Variants in SETD1B observed in about 807,000 individuals in gnomAD.
The protein encoded by SETD1B is histone-lysine N-methyltransferase SETD1B.
SETD1B carries 7 observed loss-of-function variants against 148.0 expected under a neutral mutation model. That is an observed-to-expected ratio of 0.05 (90% CI 0.03 to 0.09). The LOEUF (loss-of-function observed/expected upper bound fraction) is 0.09, where lower values mean the gene tolerates loss of function less well. Ranked by LOEUF, SETD1B falls within the 10% of genes least tolerant of loss-of-function variation. The pLI, the probability that SETD1B is intolerant of heterozygous loss-of-function variation, is 1.00. For missense variants in SETD1B, 2,155 were observed against 2,729.9 expected, an observed-to-expected ratio of 0.79 and a Z score of 4.69; for synonymous variants, 1,361 against 1,186.5, an observed-to-expected ratio of 1.15 and a Z score of -3.02.
chr12:121,817,123 T>A lies in SETD1B; in HGVS notation c.2806T>A (p.Trp936Arg). 1 of 1,548,988 alleles carries A rather than the reference T, an allele frequency of 6.5e-7. No individual in the cohort carries two copies. The highest frequency in any genetic ancestry group is 8.7e-7 in the Non-Finnish European group (1 of 1,146,866). ...CATCGCCTCGTGCCTGCTGGAGTCA[T>A]GGGGCAAGGGCGAGGGCCTGGGCTA... ...DRIASCLLESWGKGEGLGYEG... is the reference protein window; with the variant it reads ...DRIASCLLESRGKGEGLGYEG... The change falls in exon 8 of 17, where the codon TGG (tryptophan) becomes AGG (arginine). Residue 936 changes from tryptophan (W) to arginine (R), a missense_variant. Coordinates refer to ENST00000604567, the MANE Select transcript of SETD1B (RefSeq NM_001353345.2). This position sits in a 1 kb window ranked among gnomAD's most constrained non-coding sequence, Gnocchi z 8.1.
At position 121,817,226 on chromosome 12, in the gene SETD1B, C is replaced by T; in HGVS notation, c.2909C>T (p.Pro970Leu). 2 of 1,550,972 alleles carry T rather than the reference C, an allele frequency of 1.3e-6. No homozygotes were observed. Among genetic ancestry groups the T allele is most frequent in the Non-Finnish European group, 1.7e-6 (2 of 1,146,948 alleles). Residue 970 changes from proline to leucine, a missense_variant, in exon 8 of 17, where the codon CCA becomes CTA. By Grantham distance (98) the Pro-to-Leu change is moderately conservative (BLOSUM62 -3). Coordinates refer to ENST00000604567, the MANE Select transcript of SETD1B (RefSeq NM_001353345.2). The surrounding 1 kb of genome is among the most constrained non-coding windows in gnomAD (Gnocchi z 8.1). The part of the protein sequence containing the change: ...PSFKVKRKEP[P>L]DTTSSGDQKR... The stretch of plus-strand genomic sequence containing the variant: ...TTCAAGGTCAAGAGGAAGGAGCCAC[C>T]AGACACCACCTCATCTGGCGACCAG...
At chr12:121,798,193 G>A in the SETD1B span, among the ~76,000 whole-genome samples, 2 of 152,240 alleles carry the variant, frequency 1.3e-5, no homozygotes, top group Admixed American at 1.3e-4. Context: ...GTGGCCTTGT[G>A]ACCTTGGGGA....
the SETD1B span, chr12:121,793,113 G>A: frequency 6.6e-7 from 1 of 1,524,718 alleles, no homozygotes; most frequent in South Asian, 1.2e-5. Flanking sequence ...CCTTCGGGCG[G>A]GCGGACCCTC....
In SETD1B at chr12:121,810,631, A is replaced by T; in HGVS notation, c.1686A>T (p.Ser562=). The change falls in exon 6 of 17, where the codon TCA becomes TCT. Residue 562 remains serine, a synonymous_variant. Coordinates refer to ENST00000604567, the MANE Select transcript of SETD1B (RefSeq NM_001353345.2). The surrounding 1 kb of genome is among the most constrained non-coding windows in gnomAD (Gnocchi z 7.6). Reference sequence around the variant, plus strand: ...TCCGGGGCCCCACGCCCCCCTCGTCACGCCCCTCCAGCACCGGCCTGGAGG... The same window carrying T: ...TCCGGGGCCCCACGCCCCCCTCGTCTCGCCCCTCCAGCACCGGCCTGGAGG... The part of the protein sequence containing the change: ...PGFRGPTPPS[S]RPSSTGLEDI... 1 of 1,548,084 alleles carries T rather than the reference A, an allele frequency of 6.5e-7. No homozygotes were observed. Among genetic ancestry groups the T allele is most frequent in the Non-Finnish European group, 8.7e-7 (1 of 1,146,274 alleles).
chr12:121,802,808 T>C (rs1227657984), upstream of SETD1B: 1 of 152,258 alleles, frequency 6.6e-6, no homozygotes, highest in Non-Finnish European at 1.5e-5. Flanking sequence ...TTAAACACAC[T>C]GAGACGTCCT....
In SETD1B at chr12:121,810,851, T is replaced by TC. The variant is rs1168070286; in HGVS notation, c.1890+18dup. ...GATGGATGAGGTACCACCGTGTCTG[T>TC]CCATCTGTCTGGGACTGGTTTTGTC... On this transcript the variant is annotated intron_variant, in intron 6 of 16. Transcript: ENST00000604567. The surrounding 1 kb of genome is among the most constrained non-coding windows in gnomAD (Gnocchi z 7.6). 3 of 1,478,102 alleles carry TC rather than the reference T, an allele frequency of 2.0e-6. No homozygotes were observed. The highest frequency in any genetic ancestry group is 2.7e-6 in the Non-Finnish European group (3 of 1,108,234). 91.6% of individuals were successfully genotyped at this position (1,478,102 alleles called of 1,614,324 possible). A position where few individuals can be genotyped will look rare whatever the true frequency, so the allele number is the denominator to read the frequency against.
At chr12:121,793,576 G>C in the SETD1B span, 18 of 1,553,010 alleles carry the variant, frequency 1.2e-5, no homozygotes, top group Non-Finnish European at 1.6e-5. Flanking sequence ...ACGATCTTCA[G>C]CTCCTTCCTG....
chr12:121,823,805 C>T lies in SETD1B; in HGVS notation c.5170+56C>T, dbSNP rs1876705319. 4.0e-6 allele frequency: 6 copies of T among 1,490,540 alleles called. No individual in the cohort carries two copies. The African/African-American group carries it at 5.5e-5, about 14-fold the overall frequency. 92.3% of individuals were successfully genotyped at this position (1,490,540 alleles called of 1,614,324 possible). A position where few individuals can be genotyped will look rare whatever the true frequency, so the allele number is the denominator to read the frequency against. ...TTCTGGGATGCAGGAAGTCCCTGCT[C>T]ACCTCTCTGGGCCCCACCACCCAGT... On this transcript the variant is annotated intron_variant, in intron 12 of 16. Coordinates refer to ENST00000604567, the MANE Select transcript of SETD1B (RefSeq NM_001353345.2).
the SETD1B span, among the ~76,000 whole-genome samples, chr12:121,798,700 G>A: frequency 6.6e-6 from 1 of 152,206 alleles, no homozygotes; most frequent in Non-Finnish European, 1.5e-5. Flanking sequence ...AGCCCTCACA[G>A]CGGGAGTGGG....
At chr12:121,813,787 G>A (rs1876151458) in intron 6 of SETD1B, among the ~76,000 whole-genome samples, 1 of 152,034 alleles carries the variant, frequency 6.6e-6, no homozygotes, top group African/African-American at 2.4e-5. Flanking sequence ...TTTCCTGCTG[G>A]CTCCGCTCCA....
intron 13 of SETD1B, among the ~76,000 whole-genome samples, chr12:121,826,622 C>T (rs968479398): frequency 6.6e-6 from 1 of 151,988 alleles, no homozygotes; most frequent in African/African-American, 2.4e-5. Context: ...GGGTGACAGG[C>T]AGCAGAGGGA....
chr12:121,822,040 C>G (rs1328133226), intron 11 of SETD1B, among the ~76,000 whole-genome samples: 1 of 152,144 alleles, frequency 6.6e-6, no homozygotes, highest in Non-Finnish European at 1.5e-5. Flanking sequence ...GTGATCATGC[C>G]ACTGCATTCC....
rs574147144 is a variant in SETD1B at position 121,804,664 on chromosome 12, G to A, written c.-14-60G>A. On this transcript the variant is annotated intron_variant, in intron 1 of 16. Transcript: ENST00000604567. The surrounding 1 kb of genome is among the most constrained non-coding windows in gnomAD (Gnocchi z 4.6). ...CTGCCGATTGGATTCTTTCGCGTGT[G>A]TGTAGAAGCGGCCGCCGCCGCCGCC... 1 of 1,451,036 alleles carries A rather than the reference G, an allele frequency of 6.9e-7. No individual in the cohort carries two copies. The allele number at this position is 1,451,036 out of a possible 1,614,324, so 89.9% of individuals were successfully genotyped here. A position where few individuals can be genotyped will look rare whatever the true frequency, so the allele number is the denominator to read the frequency against.
intron 10 of SETD1B, 103 bp downstream of exon 10, chr12:121,818,007 C>A: frequency 3.3e-6 from 4 of 1,211,590 alleles, no homozygotes; most frequent in South Asian, 1.6e-5. Context: ...AAATGTTGTG[C>A]TTTTGAGACG....
At position 121,810,350 on chromosome 12, in the gene SETD1B, A is replaced by G; in HGVS notation, c.1405A>G (p.Thr469Ala). ...CAGCATGGAGCTGGGCGGCCGGCCC[A>G]CCTTCGGCTGGAGTCCTGAGCCCTG... ...TNSMELGGRP[T>A]FGWSPEPCDS... The change falls in exon 6 of 17, where the codon ACC (threonine) becomes GCC (alanine). Residue 469 changes from threonine (T) to alanine (A), a missense_variant. Thr to Ala is a moderately conservative substitution (Grantham distance 58). Around this residue, in one of 11 missense-constraint regions of SETD1B, gnomAD observed 376 missense variants for 385.0 expected, o/e 0.98. Transcript: ENST00000604567. This position sits in a 1 kb window ranked among gnomAD's most constrained non-coding sequence, Gnocchi z 7.6. 6.5e-7 allele frequency: 1 copy of G among 1,546,418 alleles called. No homozygotes were observed.
the SETD1B span, among the ~76,000 whole-genome samples, chr12:121,798,474 C>T: frequency 2.6e-5 from 4 of 152,226 alleles, no homozygotes; most frequent in Non-Finnish European, 4.4e-5. Context: ...CAATGGAGGC[C>T]AACTAAAAGC....
the SETD1B span, chr12:121,797,710 G>C: frequency 7.2e-6 from 3 of 418,964 alleles, no homozygotes; most frequent in East Asian, 2.1e-4. Flanking sequence ...CCCACCCGGA[G>C]AGCAACGAAG....
chr12:121,828,791 A>T (rs147756697), intron 16 of SETD1B, among the ~76,000 whole-genome samples: 120 of 152,348 alleles, frequency 7.9e-4, no homozygotes, highest in African/African-American at 2.8e-3. Flanking sequence ...TAAAACAGAG[A>T]CAATAACAGT....
At chr12:121,812,063 C>T (rs1225847665) in intron 6 of SETD1B, among the ~76,000 whole-genome samples, 1 of 152,104 alleles carries the variant, frequency 6.6e-6, no homozygotes, top group Admixed American at 6.5e-5. Flanking sequence ...AGGCTGAGGC[C>T]CCGGGAGCGA....
Sources: allele counts gnomAD v4.1 joint callset (sites outside exome capture counted in the v4.1 genomes callset), GRCh38; gene constraint gnomAD v4.1.1; regional missense constraint gnomAD v4.1.1; non-coding constraint Gnocchi (gnomAD v3.1); transcripts MANE v1.5; gene names NCBI Gene and HGNC (gene_info 2026-07-23, HGNC 2026-07-21).